The following PIK3C2B variants were observed in gnomAD, a reference collection of about 807,000 sequenced individuals.
PIK3C2B encodes phosphatidylinositol 4-phosphate 3-kinase C2 domain-containing subunit beta.
A neutral mutation model predicts 184.3 loss-of-function variants in PIK3C2B; 83 were observed. That is an observed-to-expected ratio of 0.45 (90% CI 0.38 to 0.54). The LOEUF is 0.54. PIK3C2B is among the 20% of genes least tolerant of loss of function. The pLI is 0.00. For missense variants in PIK3C2B, 1,736 were observed against 2,113.5 expected (o/e 0.82, Z 3.50); for synonymous variants, 779 against 837.6 (o/e 0.93, Z 1.21).
At chr1:204,467,298 C>T (rs984778056) in intron 2 of PIK3C2B, 1 of 199,668 alleles carries the variant, frequency 5.0e-6, no homozygotes, top group African/African-American at 2.3e-5. Context: ...CGGGAACAGC[C>T]CCACCTCTCA....
At chr1:204,459,772 A>C in intron 8 of PIK3C2B, 106 bp downstream of exon 8, 1 of 921,274 alleles carries the variant, frequency 1.1e-6, no homozygotes, top group South Asian at 1.4e-5. Flanking sequence ...ACAGATTTTC[A>C]GGCTCCACCC....
chr1:204,441,372 A>G (rs561209682), intron 21 of PIK3C2B, 99 bp downstream of exon 21: 1 of 701,076 alleles, frequency 1.4e-6, no homozygotes, highest in African/African-American at 1.8e-5. Flanking sequence ...AGCATGGAAC[A>G]GTGGGAAGAG....
In PIK3C2B at chr1:204,449,735, GCC is replaced by G. The variant is rs1031648783; in HGVS notation, c.2234+113_2234+114del. On this transcript the variant is annotated intron_variant, in intron 13 of 32. Coordinates refer to ENST00000684373, the MANE Select transcript of PIK3C2B (RefSeq NM_001377334.1). The stretch of plus-strand genomic sequence containing the variant: ...GGGATCCTCTGGACTTCACCAGTGA[GCC>G]CCACATGGCCAACTCTCCCAAGGCG... 6 of 921,324 alleles carry G rather than the reference GCC, an allele frequency of 6.5e-6. No homozygotes were observed. In the African/African-American group the frequency reaches 1.0e-4, roughly 15 times the overall value. 57.1% of individuals were successfully genotyped at this position (921,324 alleles called of 1,614,324 possible).
chr1:204,472,484 A>C (rs1656374773), intron 1 of PIK3C2B, among the ~76,000 whole-genome samples: 1 of 151,704 alleles, frequency 6.6e-6, no homozygotes, highest in Non-Finnish European at 1.5e-5. Context: ...AGTTTTAAAA[A>C]GTACCGAAGC....
chr1:204,458,134 T>C (rs1197877659), intron 8 of PIK3C2B, among the ~76,000 whole-genome samples: 3 of 152,216 alleles, frequency 2.0e-5, no homozygotes, highest in Non-Finnish European at 4.4e-5. Flanking sequence ...CTCTAGCCTC[T>C]CTCTATAGTT....
rs550344541 is a variant in PIK3C2B at position 204,471,838 on chromosome 1, G to A, written c.-84-1952C>T. ...AAAGTACAAGAGAACCCTGTGAAACGGACCTTGTAATTACTCAGCTTGCAC... is the reference window on the plus strand; with the variant it reads ...AAAGTACAAGAGAACCCTGTGAAACAGACCTTGTAATTACTCAGCTTGCAC... On this transcript the variant is annotated intron_variant, in intron 1 of 32. Transcript: ENST00000684373. Among the ~76,000 whole-genome samples the A allele has an allele frequency of 8.5e-5, 13 of 152,296 alleles. No individual in the cohort carries two copies. The South Asian group carries it at 1.9e-3, about 22-fold the overall frequency.
chr1:204,494,779 G>C lies in PIK3C2B; in HGVS notation c.-508C>G, dbSNP rs1572419545. 6.6e-6 allele frequency: 1 copy of C among 152,158 alleles called. No individual in the cohort carries two copies. The highest frequency in any genetic ancestry group is 2.0e-4 in the East Asian group (1 of 5,126). 9.4% of individuals were successfully genotyped at this position (152,158 alleles called of 1,614,324 possible). A position where few individuals can be genotyped will look rare whatever the true frequency, so the allele number is the denominator to read the frequency against. On this transcript the variant is annotated 5_prime_UTR_variant, in exon 1 of 33. Transcript: ENST00000684373. ...TGCCTGGACAGGCAGGCACCCGGCC[G>C]CCGGCTCCAGCCGCAGCGCCGAATC...
intron 5 of PIK3C2B, among the ~76,000 whole-genome samples, chr1:204,463,227 TTCTC>T (rs1218306157): frequency 6.6e-6 from 1 of 152,204 alleles, no homozygotes; most frequent in Non-Finnish European, 1.5e-5. Context: ...GGTCTCTCCT[TTCTC>T]TATTCCCAAA....
Position 204,439,029 on chromosome 1 carries a change from ATCTTACGCAGGG to A in PIK3C2B, c.3410_3421del (p.Thr1137_Lys1140del). 4 of 1,614,040 alleles carry A rather than the reference ATCTTACGCAGGG, an allele frequency of 2.5e-6. No individual in the cohort carries two copies. The highest frequency in any genetic ancestry group is 3.4e-6 in the Non-Finnish European group (4 of 1,179,998). ...GCCGGTCACCCCATGCTCCACCTGG[ATCTTACGCAGGG>A]TCTCAGCATTAGGGATCATCTCCAC... On this transcript the variant is annotated inframe_deletion, in exon 23 of 33. Transcript: ENST00000684373.
At chr1:204,429,850 T>A in intron 29 of PIK3C2B, 71 bp downstream of exon 29, 1 of 973,746 alleles carries the variant, frequency 1.0e-6, no homozygotes, top group Non-Finnish European at 1.6e-6. Context: ...TGCCTCCGGA[T>A]GCTTCCACCT....
At chr1:204,444,724 C>T (rs1348263786) in intron 16 of PIK3C2B, among the ~76,000 whole-genome samples, 1 of 152,216 alleles carries the variant, frequency 6.6e-6, no homozygotes, top group African/African-American at 2.4e-5. Context: ...CCAGAGATTT[C>T]TCCCTTGACT....
intron 2 of PIK3C2B, among the ~76,000 whole-genome samples, chr1:204,465,816 G>A (rs919606496): frequency 3.3e-5 from 5 of 152,240 alleles, no homozygotes; most frequent in Non-Finnish European, 7.3e-5. Context: ...AAAGCAGAGA[G>A]AGACCCAGAA....
chr1:204,454,481 CAAAAAAA>C (rs577930655), intron 12 of PIK3C2B, 181 bp downstream of exon 12: 37 of 258,430 alleles, frequency 1.4e-4, no homozygotes, highest in South Asian at 3.7e-4. Flanking sequence ...GGCTGCCTCT[CAAAAAAA>C]AAAAAAAAAA....
In PIK3C2B at chr1:204,446,061, G is replaced by T; in HGVS notation, c.2573C>A (p.Ala858Asp). The change falls in exon 16 of 33, where the codon GCC becomes GAC. Residue 858 changes from alanine to aspartate, a missense_variant. This residue lies in a region of PIK3C2B where 609 missense variants were observed against 699.2 expected (regional missense o/e 0.87). Coordinates refer to ENST00000684373, the MANE Select transcript of PIK3C2B (RefSeq NM_001377334.1). ...AGCCCACTCCCAGCTGGGGGCGCTG[G>T]CGAGCACCAGGGGGAGCGAGCTCAC... Reference protein sequence around the residue: ...SEVSSLPLVLASAPSWEWACL... With the variant: ...SEVSSLPLVLDSAPSWEWACL... The T allele has an allele frequency of 1.9e-6, 3 of 1,601,760 alleles. No individual in the cohort carries two copies. The highest frequency in any genetic ancestry group is 2.6e-6 in the Non-Finnish European group (3 of 1,171,696).
intron 1 of PIK3C2B, among the ~76,000 whole-genome samples, chr1:204,493,184 A>G (rs1180873257): frequency 6.6e-6 from 1 of 152,152 alleles, no homozygotes; most frequent in Non-Finnish European, 1.5e-5. Context: ...TTCATTCAGC[A>G]CTGATTCAGG....
rs371904119 is a variant in PIK3C2B at position 204,455,829 on chromosome 1, C to T, written c.1943+27G>A. On this transcript the variant is annotated intron_variant, in intron 11 of 32. Transcript: ENST00000684373. ...GTGGAGGTCAAACTCAGCTTGCTCC[C>T]TAGCGGCTACTCAGCCCTGGGCTCA... is the stretch of plus-strand genomic sequence containing the variant. 20 of 1,578,658 alleles carry T rather than the reference C, an allele frequency of 1.3e-5. No individual in the cohort carries two copies. The African/African-American group carries it at 2.6e-4, about 20-fold the overall frequency.
intron 3 of PIK3C2B, 80 bp from the exon 4 acceptor site, chr1:204,464,684 C>A: frequency 7.2e-7 from 1 of 1,390,178 alleles, no homozygotes; most frequent in Non-Finnish European, 9.9e-7. Context: ...ACCTCATGCT[C>A]TGAGGCTCAA....
intron 28 of PIK3C2B, 82 bp downstream of exon 28, chr1:204,431,587 C>T (rs1353912316): frequency 7.7e-6 from 12 of 1,559,160 alleles, no homozygotes; most frequent in Non-Finnish European, 1.1e-5. Context: ...TTTTCTGCCC[C>T]TGCAGCCCTG....
chr1:204,460,554 C>A lies in PIK3C2B; in HGVS notation c.1418G>T (p.Arg473Leu). Residue 473 changes from arginine (R) to leucine (L), a missense_variant, in exon 6 of 33, where the codon CGG (arginine) becomes CTG (leucine). Coordinates refer to ENST00000684373, the MANE Select transcript of PIK3C2B (RefSeq NM_001377334.1). Reference protein sequence around the residue: ...EQKVVRSDLARTVNDDQSPST... With the variant: ...EQKVVRSDLALTVNDDQSPST... The stretch of plus-strand genomic sequence containing the variant: ...CTCCACCACCCTCACACGAACCGTC[C>A]GGGCCAGGTCACTGCGCACAACCTT... The A allele has an allele frequency of 1.2e-6, 2 of 1,613,138 alleles. No individual in the cohort carries two copies. The highest frequency in any genetic ancestry group is 2.2e-5 in the East Asian group (1 of 44,884).
Sources: gnomAD v4.1 joint callset for allele counts (sites outside exome capture counted in the v4.1 genomes callset) on GRCh38, gnomAD v4.1.1 for gene constraint, gnomAD v4.1.1 regional missense constraint, MANE v1.5 for transcripts, NCBI Gene and HGNC (gene_info 2026-07-23, HGNC 2026-07-21) for gene names.